The following GPSM2 variants were observed in gnomAD, a reference collection of about 807,000 sequenced individuals.
The protein encoded by GPSM2 is G protein signaling modulator 2, also known as G protein-signaling modulator 2.
In GPSM2, 58 loss-of-function variants were observed where a neutral mutation model predicts 78.4. The observed-to-expected ratio is 0.74, with a 90% CI of 0.60 to 0.92. The LOEUF is 0.92. Ranked by LOEUF, GPSM2 falls within the 40% of genes least tolerant of loss-of-function variation. The pLI, the probability that GPSM2 is intolerant of heterozygous loss-of-function variation, is 0.00. For synonymous variants in GPSM2, 224 were observed against 280.2 expected (o/e 0.80, Z 2.00); for missense variants, 700 against 815.5 (o/e 0.86, Z 1.73).
intron 8 of GPSM2, among the ~76,000 whole-genome samples, chr1:108,902,717 G>A (rs146984570): frequency 6.6e-6 from 1 of 152,284 alleles, no homozygotes; most frequent in Admixed American, 6.5e-5. Context: ...ACTTTTCGAT[G>A]CAGATGTTCA....
At chr1:108,915,551 C>T (rs1364803186) in intron 11 of GPSM2, among the ~76,000 whole-genome samples, 2 of 150,908 alleles carry the variant, frequency 1.3e-5, no homozygotes, top group Non-Finnish European at 3.0e-5. Context: ...CTCAGCCTCC[C>T]GGGTAGCTGG....
At chr1:108,924,420 C>A in intron 14 of GPSM2, 2 of 632,546 alleles carry the variant, frequency 3.2e-6, no homozygotes, top group South Asian at 3.6e-5. Context: ...AAGGATCTTA[C>A]ATTTTAGGAG....
intron 3 of GPSM2, 109 bp from the exon 4 acceptor site, chr1:108,897,383 A>G (rs1648449889): frequency 9.6e-7 from 1 of 1,043,460 alleles, no homozygotes; most frequent in Non-Finnish European, 1.4e-6. Context: ...TACCTTAAGC[A>G]TGTCAGTTTG....
rs1652372029 is a variant in GPSM2 at position 108,933,642 on chromosome 1, G to A, written c.*3702G>A. On this transcript the variant is annotated 3_prime_UTR_variant, in exon 15 of 15. Coordinates refer to ENST00000264126, the MANE Select transcript of GPSM2 (RefSeq NM_013296.5). ...TAGTGTGAATATGGTTAAAACAAAG[G>A]ACACCTGATGTCTGTGAAGTCTGCT... The A allele has an allele frequency of 6.6e-6, 1 of 152,210 alleles. No homozygotes were observed. The highest frequency in any genetic ancestry group is 1.5e-5 in the Non-Finnish European group (1 of 68,038). The allele number at this position is 152,210 out of a possible 1,614,324, so 9.4% of individuals were successfully genotyped here.
At chr1:108,907,972 C>T (rs187130564) in intron 10 of GPSM2, among the ~76,000 whole-genome samples, 2 of 152,278 alleles carry the variant, frequency 1.3e-5, no homozygotes, top group African/African-American at 4.8e-5. Context: ...GAGATTTGAC[C>T]AACACAATTA....
At chr1:108,889,067 T>C (rs1473203610) in intron 2 of GPSM2, among the ~76,000 whole-genome samples, 1 of 152,216 alleles carries the variant, frequency 6.6e-6, no homozygotes, top group Non-Finnish European at 1.5e-5. Context: ...CTCATGTGCA[T>C]CCTCCCAGTT....
At position 108,929,916 on chromosome 1, in the gene GPSM2, A is replaced by G; in HGVS notation, c.2031A>G (p.Ser677=). ...ATGCTTTGTTGGAGTTTAAAAATTCAGGGAAAAAATCGGCAGACCATTAGT... is the reference window on the plus strand; with the variant it reads ...ATGCTTTGTTGGAGTTTAAAAATTCGGGGAAAAAATCGGCAGACCATTAGT... ...QNNALLEFKN[S]GKKSADH is the part of the protein sequence containing the mutation. The change falls in exon 15 of 15, where the codon TCA becomes TCG. Residue 677 remains serine, a synonymous_variant. Transcript: ENST00000264126. 1 of 1,613,582 alleles carries G rather than the reference A, an allele frequency of 6.2e-7. No homozygotes were observed. The highest frequency in any genetic ancestry group is 8.5e-7 in the Non-Finnish European group (1 of 1,179,528).
intron 10 of GPSM2, among the ~76,000 whole-genome samples, chr1:108,908,210 A>C (rs1466475078): frequency 6.6e-6 from 1 of 151,524 alleles, no homozygotes; most frequent in Non-Finnish European, 1.5e-5. Context: ...TCTCCACTAA[A>C]AATACAAAAA....
At chr1:108,899,869 A>T (rs148607368) in intron 7 of GPSM2, among the ~76,000 whole-genome samples, 2 of 152,310 alleles carry the variant, frequency 1.3e-5, no homozygotes, top group East Asian at 3.9e-4. Flanking sequence ...ATAGCATTCC[A>T]CTTTGCTTTA....
At chr1:108,911,751 A>C (rs1166187416) in intron 10 of GPSM2, among the ~76,000 whole-genome samples, 1 of 151,082 alleles carries the variant, frequency 6.6e-6, no homozygotes, top group Non-Finnish European at 1.5e-5. Flanking sequence ...TTTAATACAT[A>C]TCTCTTAGTA....
chr1:108,885,654 A>G, intron 2 of GPSM2, 76 bp downstream of exon 2: 1 of 884,896 alleles, frequency 1.1e-6, no homozygotes, highest in South Asian at 1.3e-5. Flanking sequence ...GACCATTTCA[A>G]GTTTCAGTTG....
chr1:108,931,524 A>G lies in GPSM2; in HGVS notation c.*1584A>G. ...TGGGGATGTGGACCCCTATTCTTTC[A>G]AAAAGTCATTCAGGTGATTTGGATG... On this transcript the variant is annotated 3_prime_UTR_variant, in exon 15 of 15. Coordinates refer to ENST00000264126, the MANE Select transcript of GPSM2 (RefSeq NM_013296.5). The G allele has an allele frequency of 6.6e-7, 1 of 1,526,592 alleles. No homozygotes were observed. Among genetic ancestry groups the G allele is most frequent in the Non-Finnish European group, 8.8e-7 (1 of 1,134,096 alleles). 94.6% of individuals were successfully genotyped at this position (1,526,592 alleles called of 1,614,324 possible).
chr1:108,925,760 A>ATATAG (rs996470676), intron 14 of GPSM2, among the ~76,000 whole-genome samples: 16 of 152,240 alleles, frequency 1.1e-4, no homozygotes, highest in African/African-American at 3.9e-4. Context: ...GAGATAGTAA[A>ATATAG]TATAGAAACT....
chr1:108,922,585 T>A lies in GPSM2; in HGVS notation c.1600+9T>A. ...TAAAATGATGCTAAAAAGTAAGTCA[T>A]CTCTGTTTCTCCCCCGATTTTAATA... On this transcript the variant is annotated intron_variant, in intron 13 of 14. Transcript: ENST00000264126. 6.2e-7 allele frequency: 1 copy of A among 1,603,974 alleles called. No homozygotes were observed. The highest frequency in any genetic ancestry group is 8.5e-7 in the Non-Finnish European group (1 of 1,170,998).
At position 108,930,485 on chromosome 1, in the gene GPSM2, T is replaced by C. The variant is rs1218470086; in HGVS notation, c.*545T>C. On this transcript the variant is annotated 3_prime_UTR_variant, in exon 15 of 15. Transcript: ENST00000264126. The stretch of plus-strand genomic sequence containing the variant: ...GAAACTCTACTTCTTGGGCTGGGCA[T>C]GGTGGCTCATTCCTGTAATCCCAGC... 1 of 153,524 alleles carries C rather than the reference T, an allele frequency of 6.5e-6. No individual in the cohort carries two copies. Among genetic ancestry groups the C allele is most frequent in the Non-Finnish European group, 1.4e-5 (1 of 69,108 alleles). 9.5% of individuals were successfully genotyped at this position (153,524 alleles called of 1,614,324 possible). A position where few individuals can be genotyped will look rare whatever the true frequency, so the allele number is the denominator to read the frequency against.
chr1:108,916,764 TC>T (rs1650264698), intron 11 of GPSM2, among the ~76,000 whole-genome samples: 1 of 152,240 alleles, frequency 6.6e-6, no homozygotes, highest in Non-Finnish European at 1.5e-5. Context: ...TGTAATTAGT[TC>T]TTTGTATTGG....
In GPSM2 at chr1:108,877,206, C is replaced by G. The variant is rs1665668078; in HGVS notation, c.-271C>G. On this transcript the variant is annotated 5_prime_UTR_variant, in exon 1 of 15. Transcript: ENST00000264126. ...CGCCGCTGCACCTTCACCGCGTACC[C>G]GGGACCCGCCCGCCCGCGGGAGGTG... 6.6e-6 allele frequency: 1 copy of G among 152,130 alleles called. No individual in the cohort carries two copies. The highest frequency in any genetic ancestry group is 1.5e-5 in the Non-Finnish European group (1 of 68,066). The allele number at this position is 152,130 out of a possible 1,614,324, so 9.4% of individuals were successfully genotyped here. A position where few individuals can be genotyped will look rare whatever the true frequency, so the allele number is the denominator to read the frequency against.
chr1:108,891,538 A>T (rs1406665393), intron 2 of GPSM2, among the ~76,000 whole-genome samples: 2 of 152,234 alleles, frequency 1.3e-5, no homozygotes, highest in South Asian at 4.1e-4. Context: ...TCTGTCACCC[A>T]TGCTGGATTG....
intron 13 of GPSM2, among the ~76,000 whole-genome samples, chr1:108,923,691 T>A (rs186927109): frequency 6.6e-6 from 1 of 152,334 alleles, no homozygotes; most frequent in East Asian, 1.9e-4. Context: ...TTTGTTCAAT[T>A]TCTGAAATCT....
Sources: gnomAD v4.1 joint callset for allele counts (sites outside exome capture counted in the v4.1 genomes callset) on GRCh38, gnomAD v4.1.1 for gene constraint, MANE v1.5 for transcripts, NCBI Gene and HGNC (gene_info 2026-07-23, HGNC 2026-07-21) for gene names.